The following ENPEP variants were observed in gnomAD, a reference collection of about 807,000 sequenced individuals.
The protein encoded by ENPEP is glutamyl aminopeptidase.
In ENPEP, 103 loss-of-function variants were observed where a neutral mutation model predicts 114.5. That is an observed-to-expected ratio of 0.90 (90% CI 0.77 to 1.06). The LOEUF is 1.06. Ranked by LOEUF, ENPEP falls within the 50% of genes least tolerant of loss-of-function variation. The pLI is 0.00. For missense variants in ENPEP, 1,196 were observed against 1,161.3 expected, an observed-to-expected ratio of 1.03 and a Z score of -0.43; for synonymous variants, 420 against 422.0, an observed-to-expected ratio of 1.00 and a Z score of 0.06.
At chr4:110,511,943 T>TTA (rs1303961299) in intron 6 of ENPEP, among the ~76,000 whole-genome samples, 4 of 152,100 alleles carry the variant, frequency 2.6e-5, no homozygotes, top group Admixed American at 6.6e-5. Context: ...TTTATATTTT[T>TTA]AGTAGAGATG....
At chr4:110,510,945 G>A (rs759211774) in intron 6 of ENPEP, among the ~76,000 whole-genome samples, 17 of 152,274 alleles carry the variant, frequency 1.1e-4, no homozygotes, top group Non-Finnish European at 1.2e-4. Flanking sequence ...AAATGTGCAT[G>A]TAATGACTAT....
intron 13 of ENPEP, among the ~76,000 whole-genome samples, chr4:110,546,152 C>T (rs750316528): frequency 6.6e-6 from 1 of 151,946 alleles, no homozygotes; most frequent in South Asian, 2.1e-4. Flanking sequence ...GTTTCTCCAA[C>T]CTCTTTTATA....
intron 14 of ENPEP, among the ~76,000 whole-genome samples, 162 bp downstream of exon 14, chr4:110,548,488 C>T (rs1353150453): frequency 1.3e-5 from 2 of 151,898 alleles, no homozygotes; most frequent in Non-Finnish European, 2.9e-5. Context: ...CAAAGCTATG[C>T]CGTCTATTCT....
intron 1 of ENPEP, among the ~76,000 whole-genome samples, chr4:110,484,508 G>T (rs1724428822): frequency 6.6e-6 from 1 of 151,954 alleles, no homozygotes; most frequent in African/African-American, 2.4e-5. Flanking sequence ...GATTGAGTTA[G>T]ACTTGCTGTG....
chr4:110,486,748 C>A (rs1228794773), intron 1 of ENPEP, among the ~76,000 whole-genome samples: 1 of 152,064 alleles, frequency 6.6e-6, no homozygotes, highest in Non-Finnish European at 1.5e-5. Context: ...ATGTAACTGC[C>A]CAGTGGGTTC....
chr4:110,515,601 A>G (rs1161984309), intron 8 of ENPEP, 159 bp downstream of exon 8: 4 of 638,524 alleles, frequency 6.3e-6, no homozygotes, highest in East Asian at 5.6e-5. Context: ...TTTACATCCA[A>G]TTGAGTACCT....
chr4:110,480,544 G>A (rs747653322), intron 1 of ENPEP, among the ~76,000 whole-genome samples: 5 of 152,120 alleles, frequency 3.3e-5, no homozygotes, highest in Non-Finnish European at 7.4e-5. Flanking sequence ...TGACCTTAAC[G>A]TAAAATGTAA....
chr4:110,513,777 C>G (rs140571093), intron 7 of ENPEP, among the ~76,000 whole-genome samples: 3 of 152,216 alleles, frequency 2.0e-5, no homozygotes, highest in Admixed American at 2.0e-4. Context: ...TCTCTTTACA[C>G]ATTTGTATAT....
chr4:110,553,252 A>C, intron 17 of ENPEP, 63 bp from the exon 18 acceptor site: 3 of 1,394,918 alleles, frequency 2.2e-6, no homozygotes, highest in Non-Finnish European at 2.9e-6. Flanking sequence ...TTGTATTGGA[A>C]TTTAGCTAAG....
chr4:110,546,529 C>A (rs1188791300), intron 13 of ENPEP, among the ~76,000 whole-genome samples: 1 of 151,800 alleles, frequency 6.6e-6, no homozygotes, highest in Non-Finnish European at 1.5e-5. Flanking sequence ...CTGAAAGGAC[C>A]ACCTAAGCTA....
chr4:110,541,547 T>C lies in ENPEP; in HGVS notation c.1808-1204T>C, dbSNP rs1726845938. 2.6e-5 allele frequency among the ~76,000 whole-genome samples: 4 copies of C among 152,146 alleles called. No individual in the cohort carries two copies. The South Asian group carries it at 8.3e-4, about 31-fold the overall frequency. On this transcript the variant is annotated intron_variant, in intron 11 of 19. Coordinates refer to ENST00000265162, the MANE Select transcript of ENPEP (RefSeq NM_001977.4). ...CTACATGACTACAGTGGACTCTAAATTAGTCTTCTTGTCGCTAGAATCGCC... is the reference window on the plus strand; with the variant it reads ...CTACATGACTACAGTGGACTCTAAACTAGTCTTCTTGTCGCTAGAATCGCC...
At chr4:110,544,756 T>TG (rs1426819575) in intron 13 of ENPEP, among the ~76,000 whole-genome samples, 1 of 152,096 alleles carries the variant, frequency 6.6e-6, no homozygotes, top group Non-Finnish European at 1.5e-5. Context: ...TATTCCAAGA[T>TG]GAAGTGAAAG....
chr4:110,510,863 A>G (rs1296864089), intron 6 of ENPEP, among the ~76,000 whole-genome samples: 1 of 152,216 alleles, frequency 6.6e-6, no homozygotes, highest in African/African-American at 2.4e-5. Flanking sequence ...AGCAAGTTAC[A>G]TAATATCTGA....
At chr4:110,498,781 C>T (rs971040430) in intron 3 of ENPEP, among the ~76,000 whole-genome samples, 2 of 152,146 alleles carry the variant, frequency 1.3e-5, no homozygotes, top group Non-Finnish European at 2.9e-5. Flanking sequence ...TCAAGGTTCT[C>T]ATCTCAGTCC....
intron 1 of ENPEP, among the ~76,000 whole-genome samples, chr4:110,482,992 G>A (rs1309434181): frequency 6.6e-6 from 1 of 152,198 alleles, no homozygotes; most frequent in Non-Finnish European, 1.5e-5. Context: ...CTGGGTGACA[G>A]AGTGAGACTC....
chr4:110,490,071 G>A (rs1724647515), intron 2 of ENPEP, among the ~76,000 whole-genome samples: 2 of 152,060 alleles, frequency 1.3e-5, no homozygotes, highest in Admixed American at 1.3e-4. Flanking sequence ...AGATGAAGGT[G>A]GGGGGAAAAA....
chr4:110,496,869 G>GA (rs1186579266), intron 3 of ENPEP, among the ~76,000 whole-genome samples: 2 of 152,170 alleles, frequency 1.3e-5, no homozygotes, highest in African/African-American at 2.4e-5. Flanking sequence ...TCACTTGGTT[G>GA]AGATGGTGTC....
chr4:110,555,295 T>C (rs868276761), intron 18 of ENPEP, among the ~76,000 whole-genome samples: 12 of 152,068 alleles, frequency 7.9e-5, no homozygotes, highest in Non-Finnish European at 1.2e-4. Flanking sequence ...TAAACAGAAC[T>C]TCCCTATGAA....
chr4:110,510,999 A>G (rs1725552712), intron 6 of ENPEP, among the ~76,000 whole-genome samples: 1 of 152,202 alleles, frequency 6.6e-6, no homozygotes, highest in African/African-American at 2.4e-5. Flanking sequence ...AGAAACTTTT[A>G]TGAACCCTAA....
Sources: allele counts gnomAD v4.1 joint callset (sites outside exome capture counted in the v4.1 genomes callset), GRCh38; gene constraint gnomAD v4.1.1; transcripts MANE v1.5; gene names NCBI Gene and HGNC (gene_info 2026-07-23, HGNC 2026-07-21).